CDC5L: variants seen among roughly 807,000 people sequenced by gnomAD.
The protein encoded by CDC5L is cell division cycle 5 like.
A neutral mutation model predicts 104.1 loss-of-function variants in CDC5L; 18 were observed. The ratio of observed to expected loss-of-function variants is 0.17; its 90% CI spans 0.12 to 0.26. CDC5L has a LOEUF of 0.26. CDC5L is among the 10% of genes least tolerant of loss of function. The pLI is 1.00. For missense variants in CDC5L, 673 were observed against 956.9 expected (o/e 0.70, Z 3.91); for synonymous variants, 331 against 322.7 (o/e 1.03, Z -0.28).
At chr6:44,403,719 A>AT in intron 5 of CDC5L, 90 bp from the exon 6 acceptor site, 1 of 891,620 alleles carries the variant, frequency 1.1e-6, no homozygotes, top group Non-Finnish European at 1.7e-6. Flanking sequence ...TCTTCCCCAA[A>AT]TAAATAGATA....
intron 4 of CDC5L, among the ~76,000 whole-genome samples, chr6:44,395,627 C>T (rs1389012897): frequency 6.6e-6 from 1 of 152,178 alleles, no homozygotes; most frequent in Non-Finnish European, 1.5e-5. Context: ...CTGGCTGCAT[C>T]ATTATCACAG....
intron 13 of CDC5L, 86 bp downstream of exon 13, chr6:44,426,810 C>A: frequency 7.5e-7 from 1 of 1,326,176 alleles, no homozygotes; most frequent in Admixed American, 2.0e-5. Flanking sequence ...ACTTATTTTT[C>A]CCTGTTGGTA....
intron 4 of CDC5L, among the ~76,000 whole-genome samples, chr6:44,394,059 C>T (rs1790740813): frequency 6.6e-6 from 1 of 152,108 alleles, no homozygotes; most frequent in Non-Finnish European, 1.5e-5. Context: ...TGAACAGCGC[C>T]CCTTCATCTT....
In CDC5L at chr6:44,403,843, C is replaced by T. The variant is rs751926250; in HGVS notation, c.574C>T (p.Arg192Ter). Residue 192 changes from arginine to a stop codon, truncating the protein, a stop_gained, in exon 6 of 16, where the codon CGA becomes TGA. Coordinates refer to ENST00000371477, the MANE Select transcript of CDC5L (RefSeq NM_001253.4). LOFTEE classifies it high-confidence loss of function. ...TGCCCTCCAAAAAAGAAGAGAACTT[C>T]GAGCAGCTGGCATAGAAATTCAGAA... ...LAALQKRREL[R>*]AAGIEIQKKR... 2 of 1,610,832 alleles carry T rather than the reference C, an allele frequency of 1.2e-6. No homozygotes were observed. The highest frequency in any genetic ancestry group is 8.5e-7 in the Non-Finnish European group (1 of 1,179,114).
chr6:44,387,963 G>A (rs1790410080), intron 1 of CDC5L, 95 bp downstream of exon 1: 4 of 1,161,600 alleles, frequency 3.4e-6, no homozygotes, highest in South Asian at 1.3e-5. Flanking sequence ...AGGAGACCCT[G>A]TGGGGTCTGC....
chr6:44,403,584 T>C (rs1791231407), intron 5 of CDC5L, among the ~76,000 whole-genome samples: 1 of 152,170 alleles, frequency 6.6e-6, no homozygotes, highest in Non-Finnish European at 1.5e-5. Flanking sequence ...ATAAGATATG[T>C]ATTTACTTGT....
chr6:44,415,145 T>C (rs1246261954), intron 8 of CDC5L, among the ~76,000 whole-genome samples: 2 of 152,264 alleles, frequency 1.3e-5, no homozygotes, highest in African/African-American at 4.8e-5. Flanking sequence ...TTATCTATCC[T>C]GTGCCAGTAC....
chr6:44,446,274 A>G (rs1793450523), intron 15 of CDC5L, among the ~76,000 whole-genome samples: 1 of 152,174 alleles, frequency 6.6e-6, no homozygotes, highest in African/African-American at 2.4e-5. Context: ...TCCTATGACC[A>G]GGTTTGGATT....
chr6:44,411,637 A>AGAGAGAGAGAGAGTGTGT, intron 8 of CDC5L, among the ~76,000 whole-genome samples: 1 of 123,646 alleles, frequency 8.1e-6, no homozygotes, highest in African/African-American at 3.0e-5. Context: ...AGAGAGAGAG[A>AGAGAGAGAGAGAGTGTGT]GTGTGTGTGT....
intron 1 of CDC5L, among the ~76,000 whole-genome samples, chr6:44,388,643 CTG>C (rs911463302): frequency 2.7e-5 from 4 of 148,464 alleles, no homozygotes; most frequent in Non-Finnish European, 5.9e-5. Context: ...TTTTCATGCT[CTG>C]TGTCTTTTTT....
At chr6:44,434,921 T>A (rs2153383040) in intron 14 of CDC5L, among the ~76,000 whole-genome samples, 1 of 152,238 alleles carries the variant, frequency 6.6e-6, no homozygotes, top group Middle Eastern at 3.4e-3. Flanking sequence ...TTTTAGACAG[T>A]TTCTCTTCTA....
At chr6:44,435,246 G>T (rs1222336249) in intron 14 of CDC5L, among the ~76,000 whole-genome samples, 1 of 151,770 alleles carries the variant, frequency 6.6e-6, no homozygotes, top group Non-Finnish European at 1.5e-5. Context: ...AAGGTGGTAA[G>T]TGGAACCTTT....
chr6:44,446,352 G>A (rs1186516067), intron 15 of CDC5L, among the ~76,000 whole-genome samples: 1 of 152,198 alleles, frequency 6.6e-6, no homozygotes, highest in African/African-American at 2.4e-5. Context: ...TTCTTGAAGT[G>A]CATTTGTGGG....
chr6:44,442,875 C>T (rs1269116248), intron 14 of CDC5L, among the ~76,000 whole-genome samples: 1 of 152,124 alleles, frequency 6.6e-6, no homozygotes, highest in East Asian at 1.9e-4. Flanking sequence ...CTTCCTTCAG[C>T]TTGAAGAACT....
At chr6:44,407,350 C>T (rs578023121) in intron 7 of CDC5L, among the ~76,000 whole-genome samples, 7 of 146,728 alleles carry the variant, frequency 4.8e-5, no homozygotes, top group South Asian at 4.3e-4. Flanking sequence ...TTTTTTGAGA[C>T]GGAGTCTTGC....
At chr6:44,429,603 C>A (rs1223019586) in intron 13 of CDC5L, 110 bp from the exon 14 acceptor site, 11 of 866,888 alleles carry the variant, frequency 1.3e-5, no homozygotes, top group Non-Finnish European at 2.0e-5. Flanking sequence ...CAACCAACCA[C>A]ATCTTGGATT....
At chr6:44,421,687 A>C (rs980892610) in intron 9 of CDC5L, among the ~76,000 whole-genome samples, 11 of 152,258 alleles carry the variant, frequency 7.2e-5, no homozygotes, top group African/African-American at 1.9e-4. Context: ...ACAAATAAAA[A>C]TACAATGTAC....
At chr6:44,435,305 A>G (rs1792881651) in intron 14 of CDC5L, among the ~76,000 whole-genome samples, 1 of 151,898 alleles carries the variant, frequency 6.6e-6, no homozygotes, top group South Asian at 2.1e-4. Flanking sequence ...ATAGTTTTAT[A>G]GCTTGTTAAT....
chr6:44,431,738 T>C (rs11572039), intron 14 of CDC5L, among the ~76,000 whole-genome samples: 4,638 of 152,268 alleles, frequency 0.03, 116 homozygotes, highest in Middle Eastern at 0.095. Context: ...CTGTGTTGAA[T>C]TGGTCTTATG....
Sources: allele counts gnomAD v4.1 joint callset (sites outside exome capture counted in the v4.1 genomes callset), GRCh38; gene constraint gnomAD v4.1.1; transcripts MANE v1.5; gene names NCBI Gene and HGNC (gene_info 2026-07-23, HGNC 2026-07-21).